MCM4: variants seen among roughly 807,000 people sequenced by gnomAD.
The protein encoded by MCM4 is minichromosome maintenance complex component 4.
Under a neutral mutation model 88.7 loss-of-function variants are expected in MCM4, and 60 were observed. That is an observed-to-expected ratio of 0.68 (90% CI 0.55 to 0.84). MCM4 has a LOEUF of 0.84. Among genes scored for constraint, MCM4 ranks in the 40% least tolerant of loss-of-function variants. The pLI, the probability that MCM4 is intolerant of heterozygous loss-of-function variation, is 0.00. For missense variants in MCM4, 1,149 were observed against 1,105.5 expected, an observed-to-expected ratio of 1.04 and a Z score of -0.56; for synonymous variants, 465 against 410.5, an observed-to-expected ratio of 1.13 and a Z score of -1.61.
chr8:47,976,292 CAA>C (rs554025887), intron 16 of MCM4, among the ~76,000 whole-genome samples: 29 of 115,276 alleles, frequency 2.5e-4, no homozygotes, highest in Middle Eastern at 4.5e-3. Context: ...AACTCCATCT[CAA>C]AAAAAAAAAA....
At chr8:47,961,347 G>T (rs961291939) in intron 2 of MCM4, 133 bp downstream of exon 2, 1 of 1,473,124 alleles carries the variant, frequency 6.8e-7, no homozygotes, top group Non-Finnish European at 9.0e-7. Context: ...CGCTTGGTGC[G>T]CACAGACACC....
In MCM4 at chr8:47,971,398, A is replaced by T. The variant is rs1330613795; in HGVS notation, c.1858A>T (p.Ile620Phe). 15 of 1,614,024 alleles carry T rather than the reference A, an allele frequency of 9.3e-6. No individual in the cohort carries two copies. Among genetic ancestry groups the T allele is most frequent in the African/African-American group, 1.3e-5 (1 of 74,904 alleles). ...CTCTGTCCTGGCAGCAGCAAATCCC[A>T]TTGAGTCTCAGTGGAATCCTAAAAA... ...RTSVLAAANP[I>F]ESQWNPKKTT... The change falls in exon 13 of 17, where the codon ATT (isoleucine) becomes TTT (phenylalanine). Residue 620 changes from isoleucine (I) to phenylalanine (F), a missense_variant. Ile to Phe is a conservative substitution (Grantham distance 21, BLOSUM62 0). Coordinates refer to ENST00000649973, the MANE Select transcript of MCM4 (RefSeq NM_182746.3).
rs2091004995 is a variant in MCM4, at chr8:47,976,768, G to A, written c.2582G>A (p.Arg861His). 7 of 1,611,246 alleles carry A rather than the reference G, an allele frequency of 4.3e-6. No individual in the cohort carries two copies. Among genetic ancestry groups the A allele is most frequent in the Non-Finnish European group, 4.2e-6 (5 of 1,177,606 alleles). Residue 861 changes from arginine (R) to histidine (H), a missense_variant, in exon 17 of 17, where the codon CGC becomes CAC. By Grantham distance (29) the Arg-to-His change is conservative. Transcript: ENST00000649973. ...CTGACAGTGACTGGGAAGACCGTGC[G>A]CTTGCTCTGAAGCCTTGTGAGCAAG... ...DFLTVTGKTV[R>H]LL
intron 7 of MCM4, among the ~76,000 whole-genome samples, 167 bp from the exon 8 acceptor site, chr8:47,964,405 TAG>T (rs2090878183): frequency 6.6e-6 from 1 of 152,156 alleles, no homozygotes; most frequent in Non-Finnish European, 1.5e-5. Context: ...TATGCAGAAA[TAG>T]ATAGTTCAGC....
intron 10 of MCM4, 32 bp downstream of exon 10, chr8:47,967,517 C>T: frequency 1.2e-6 from 2 of 1,613,340 alleles, no homozygotes. Flanking sequence ...AGCACTTGAG[C>T]ATGTCTGGCT....
Position 47,976,714 on chromosome 8 carries a change from C to A in MCM4, c.2528C>A (p.Ala843Glu). ...ATTACTAAAGATATGTTTGAAGAAGCACTGCGTGCCCTGGCAGATGATGAT... is the reference window on the plus strand; with the variant it reads ...ATTACTAAAGATATGTTTGAAGAAGAACTGCGTGCCCTGGCAGATGATGAT... ...IAITKDMFEE[A>E]LRALADDDFL... Residue 843 changes from alanine (A) to glutamate (E), a missense_variant, in exon 17 of 17, where the codon GCA (alanine) becomes GAA (glutamate). Ala to Glu is a moderately radical substitution (Grantham distance 107). This residue lies in a region of MCM4 where 238 missense variants were observed against 241.6 expected (regional missense o/e 0.99). Coordinates refer to ENST00000649973, the MANE Select transcript of MCM4 (RefSeq NM_182746.3). 1 of 1,613,334 alleles carries A rather than the reference C, an allele frequency of 6.2e-7. No homozygotes were observed. The highest frequency in any genetic ancestry group is 8.5e-7 in the Non-Finnish European group (1 of 1,179,436).
At chr8:47,964,329 A>G (rs2090877235) in intron 7 of MCM4, among the ~76,000 whole-genome samples, 1 of 152,274 alleles carries the variant, frequency 6.6e-6, no homozygotes, top group African/African-American at 2.4e-5. Flanking sequence ...TAGAAAGCAA[A>G]GAATATGCCA....
Position 47,975,779 on chromosome 8 carries a change from A to G in MCM4, c.2430A>G (p.Leu810=). Residue 810 remains leucine (L), a synonymous_variant, in exon 16 of 17, where the codon TTA becomes TTG. Coordinates refer to ENST00000649973, the MANE Select transcript of MCM4 (RefSeq NM_182746.3). The part of the protein sequence containing the change: ...ELAEALKKLI[L]SKGKTPALKY... ...CTGAAGCATTGAAAAAGCTTATTTT[A>G]TCTAAGGGCAAAACACCAGCTCTAA... is the stretch of plus-strand genomic sequence containing the variant. 1 of 1,588,562 alleles carries G rather than the reference A, an allele frequency of 6.3e-7. No homozygotes were observed.
At chr8:47,974,509 A>T (rs111825319) in intron 14 of MCM4, 3 of 502,548 alleles carry the variant, frequency 6.0e-6, no homozygotes, top group African/African-American at 1.9e-5. Flanking sequence ...AGCATCTCCC[A>T]GTTGGAATAT....
intron 9 of MCM4, 81 bp downstream of exon 9, chr8:47,966,488 C>T: frequency 2.2e-6 from 3 of 1,352,756 alleles, no homozygotes; most frequent in Non-Finnish European, 2.0e-6. Context: ...GTCCCTCGGA[C>T]CCTGAGCCTC....
Position 47,962,776 on chromosome 8 carries a change from C to T in MCM4, c.514C>T (p.Arg172Cys), listed in dbSNP as rs771112920. 7 of 1,602,330 alleles carry T rather than the reference C, an allele frequency of 4.4e-6. No individual in the cohort carries two copies. Among genetic ancestry groups the T allele is most frequent in the South Asian group, 3.4e-5 (3 of 88,200 alleles). The change falls in exon 6 of 17, where the codon CGT becomes TGT. Residue 172 changes from arginine to cysteine, a missense_variant. Arg to Cys is a radical substitution (Grantham distance 180). This residue lies in a region of MCM4 where 906 missense variants were observed against 843.0 expected (regional missense o/e 1.07). Transcript: ENST00000649973. The part of the protein sequence containing the change: ...CKENFQRFLQ[R>C]FIDPLAKEEE... Reference sequence around the variant, plus strand: ...TCTCCACTTAAAGAGATTTCTTCAGCGTTTTATTGACCCTCTGGCTAAAGA... The same window carrying T: ...TCTCCACTTAAAGAGATTTCTTCAGTGTTTTATTGACCCTCTGGCTAAAGA...
chr8:47,966,215 C>T lies in MCM4; in HGVS notation c.861C>T (p.Gly287=). The T allele has an allele frequency of 6.2e-7, 1 of 1,613,872 alleles. No homozygotes were observed. The highest frequency in any genetic ancestry group is 8.5e-7 in the Non-Finnish European group (1 of 1,179,822). The change falls in exon 9 of 17, where the codon GGC becomes GGT. Residue 287 remains glycine (G), a synonymous_variant. Transcript: ENST00000649973. ...EDIDQLITIS[G]MVIRTSQLIP... ...TTGACCAGCTCATCACCATCAGCGG[C>T]ATGGTGATCAGGACATCCCAGCTGA...
intron 2 of MCM4, 136 bp from the exon 3 acceptor site, chr8:47,961,380 G>A (rs1335781167): frequency 2.0e-6 from 3 of 1,533,378 alleles, no homozygotes; most frequent in Non-Finnish European, 2.6e-6. Context: ...TGGCCTGGGT[G>A]CTGCTTAATT....
At position 47,967,359 on chromosome 8, in the gene MCM4, C is replaced by T. The variant is rs1253030245; in HGVS notation, c.1054-6C>T. The T allele has an allele frequency of 6.2e-7, 1 of 1,614,102 alleles. No individual in the cohort carries two copies. The highest frequency in any genetic ancestry group is 1.7e-5 in the Admixed American group (1 of 60,008). ...GCCCACATGTTCTCTGTTTGCTGAC[C>T]TTCAGATCAAGCTTCAGGAGTCTCC... On this transcript the variant is annotated splice_polypyrimidine_tract_variant and splice_region_variant and intron_variant, in intron 9 of 16. Coordinates refer to ENST00000649973, the MANE Select transcript of MCM4 (RefSeq NM_182746.3).
chr8:47,969,731 C>A lies in MCM4; in HGVS notation c.1175-67C>A. 4 of 1,559,532 alleles carry A rather than the reference C, an allele frequency of 2.6e-6. No individual in the cohort carries two copies. In the Admixed American group the frequency reaches 6.7e-5, roughly 26 times the overall value. ...CTCTGAAGTGCACCTGTTGCCTACGCTGGTTGCTGAGCCACTCGGAGGAAG... is the reference window on the plus strand; with the variant it reads ...CTCTGAAGTGCACCTGTTGCCTACGATGGTTGCTGAGCCACTCGGAGGAAG... On this transcript the variant is annotated intron_variant, in intron 10 of 16. Coordinates refer to ENST00000649973, the MANE Select transcript of MCM4 (RefSeq NM_182746.3).
intron 16 of MCM4, 82 bp downstream of exon 16, chr8:47,975,930 A>C (rs1351120568): frequency 1.1e-6 from 1 of 915,574 alleles, no homozygotes; most frequent in African/African-American, 1.8e-5. Flanking sequence ...TCCTTTATTT[A>C]TTAAATAATA....
chr8:47,970,821 G>T lies in MCM4; in HGVS notation c.1745G>T (p.Ser582Ile), dbSNP rs1298727289. 6.2e-7 allele frequency: 1 copy of T among 1,612,932 alleles called. No homozygotes were observed. The highest frequency in any genetic ancestry group is 1.3e-5 in the African/African-American group (1 of 74,920). Residue 582 changes from serine to isoleucine, a missense_variant, in exon 12 of 17, where the codon AGT (serine) becomes ATT (isoleucine). Ser to Ile is a moderately radical substitution (Grantham distance 142, BLOSUM62 -2). This residue lies in a region of MCM4 where 906 missense variants were observed against 843.0 expected (regional missense o/e 1.07). Coordinates refer to ENST00000649973, the MANE Select transcript of MCM4 (RefSeq NM_182746.3). ...CIDEFDKMNE[S>I]TRSVLHEVME... Reference sequence around the variant, plus strand: ...GATGAGTTCGACAAGATGAATGAAAGTACAAGATCGGTATTGCATGAAGTC... The same window carrying T: ...GATGAGTTCGACAAGATGAATGAAATTACAAGATCGGTATTGCATGAAGTC...
At position 47,962,083 on chromosome 8, in the gene MCM4, C is replaced by T. The variant is rs754033155; in HGVS notation, c.266C>T (p.Pro89Leu). ...CCTCTTGACTTTGATGTTAGTTCAC[C>T]ACTGACATACGGCACTCCCAGCTCT... ...AIPLDFDVSS[P>L]LTYGTPSSRV... The change falls in exon 4 of 17, where the codon CCA becomes CTA. Residue 89 changes from proline to leucine, a missense_variant. Physicochemically the swap from Pro to Leu is moderately conservative, Grantham distance 98 (BLOSUM62 -3). This residue lies in a region of MCM4 where 906 missense variants were observed against 843.0 expected (regional missense o/e 1.07). Coordinates refer to ENST00000649973, the MANE Select transcript of MCM4 (RefSeq NM_182746.3). 2.5e-6 allele frequency: 4 copies of T among 1,614,080 alleles called. No individual in the cohort carries two copies. Among genetic ancestry groups the T allele is most frequent in the South Asian group, 1.1e-5 (1 of 91,076 alleles).
Position 47,961,166 on chromosome 8 carries a change from C to A in MCM4, c.22C>A (p.Pro8Thr). The change falls in exon 2 of 17, where the codon CCG (proline) becomes ACG (threonine). Residue 8 changes from proline to threonine, a missense_variant. Physicochemically the swap from Pro to Thr is conservative, Grantham distance 38. Coordinates refer to ENST00000649973, the MANE Select transcript of MCM4 (RefSeq NM_182746.3). ...CACTATGTCGTCCCCGGCGTCGACC[C>A]CGAGCCGCCGCGGCAGCCGGCGTGG... Reference protein sequence around the residue: MSSPASTPSRRGSRRGRA... With the variant: MSSPASTTSRRGSRRGRA... The A allele has an allele frequency of 6.4e-7, 1 of 1,552,086 alleles. No homozygotes were observed. Among genetic ancestry groups the A allele is most frequent in the Non-Finnish European group, 8.6e-7 (1 of 1,159,348 alleles).
Sources: allele counts gnomAD v4.1 joint callset (sites outside exome capture counted in the v4.1 genomes callset), GRCh38; gene constraint gnomAD v4.1.1; regional missense constraint gnomAD v4.1.1; transcripts MANE v1.5; gene names NCBI Gene and HGNC (gene_info 2026-07-23, HGNC 2026-07-21).